IKZF2: variants seen among roughly 807,000 people sequenced by gnomAD.
The protein encoded by IKZF2 is IKAROS family zinc finger 2, also known as zinc finger protein Helios.
Under a neutral mutation model 49.2 loss-of-function variants are expected in IKZF2, and 15 were observed. That is an observed-to-expected ratio of 0.30 (90% CI 0.20 to 0.47). IKZF2 has a LOEUF of 0.47. Among genes scored for constraint, IKZF2 ranks in the 20% least tolerant of loss-of-function variants. The pLI is 1.00. For synonymous variants in IKZF2, 227 were observed against 221.4 expected (o/e 1.03, Z -0.23); for missense variants, 567 against 664.6 (o/e 0.85, Z 1.61).
rs144776767 is a variant in IKZF2 at position 213,102,317 on chromosome 2, G to A, written c.140-45218C>T. On this transcript the variant is annotated intron_variant, in intron 4 of 8. Coordinates refer to ENST00000434687, the MANE Select transcript of IKZF2 (RefSeq NM_001387220.1). Reference sequence around the variant, plus strand: ...CCAACTTTTATCCAGCTGGAGCAAAGGTAATAAGCTCTTGAAATAGAAAAA... The same window carrying A: ...CCAACTTTTATCCAGCTGGAGCAAAAGTAATAAGCTCTTGAAATAGAAAAA... Among the ~76,000 whole-genome samples, 10 of 152,082 alleles carry A rather than the reference G, an allele frequency of 6.6e-5. No individual in the cohort carries two copies. The East Asian group carries it at 1.9e-3, about 29-fold the overall frequency.
chr2:213,017,196 T>C (rs1559166795), intron 7 of IKZF2, among the ~76,000 whole-genome samples: 1 of 152,160 alleles, frequency 6.6e-6, no homozygotes, highest in Non-Finnish European at 1.5e-5. Context: ...TAGTGTGTTC[T>C]TGGCCTTCTT....
Position 213,147,717 on chromosome 2 carries a change from T to C in IKZF2, c.130A>G (p.Met44Val). The change falls in exon 4 of 9, where the codon ATG (methionine) becomes GTG (valine). Residue 44 changes from methionine to valine, a missense_variant. This residue lies in a region of IKZF2 where 156 missense variants were observed against 138.5 expected (regional missense o/e 1.13). Transcript: ENST00000434687. ...TAAAATGAAGACTTACTGCTTGTCATGTGACTTGGTGAGGCATGCTGTCCA... is the reference window on the plus strand; with the variant it reads ...TAAAATGAAGACTTACTGCTTGTCACGTGACTTGGTGAGGCATGCTGTCCA... ...PNGQHASPSHMTSTNSVKLEM... is the reference protein window; with the variant it reads ...PNGQHASPSHVTSTNSVKLEM... 8 of 1,612,736 alleles carry C rather than the reference T, an allele frequency of 5.0e-6. No homozygotes were observed. The highest frequency in any genetic ancestry group is 6.8e-6 in the Non-Finnish European group (8 of 1,178,688).
At chr2:213,086,023 C>G (rs549208715) in intron 4 of IKZF2, among the ~76,000 whole-genome samples, 1 of 152,036 alleles carries the variant, frequency 6.6e-6, no homozygotes, top group Non-Finnish European at 1.5e-5. Flanking sequence ...TAATTGCTAA[C>G]CCAAACTGAG....
At position 213,007,564 on chromosome 2, in the gene IKZF2, C is replaced by G. The variant is rs1695463240; in HGVS notation, c.1377G>C (p.Lys459Asn). ...TCTGTTCTCCTTCTCCATTGAAGAC[C>G]TTGTAGATGTCCTTCAGAGAGCCCT... Reference protein sequence around the residue: ...APKGSLKDIYKVFNGEGEQIR... With the variant: ...APKGSLKDIYNVFNGEGEQIR... The change falls in exon 9 of 9, where the codon AAG (lysine) becomes AAC (asparagine). Residue 459 changes from lysine to asparagine, a missense_variant. By Grantham distance (94) the Lys-to-Asn change is moderately conservative. Coordinates refer to ENST00000434687, the MANE Select transcript of IKZF2 (RefSeq NM_001387220.1). The G allele has an allele frequency of 1.2e-6, 2 of 1,613,674 alleles. No homozygotes were observed. The highest frequency in any genetic ancestry group is 1.7e-6 in the Non-Finnish European group (2 of 1,179,724).
intron 4 of IKZF2, among the ~76,000 whole-genome samples, chr2:213,133,026 T>C (rs908271298): frequency 2.0e-5 from 3 of 152,232 alleles, no homozygotes; most frequent in Non-Finnish European, 4.4e-5. Flanking sequence ...TATGTTATGT[T>C]CCATGCAATG....
In IKZF2 at chr2:213,004,502, A is replaced by G. The variant is rs1012400108; in HGVS notation, c.*2858T>C. 2 of 151,566 alleles carry G rather than the reference A, an allele frequency of 1.3e-5. No homozygotes were observed. Among genetic ancestry groups the G allele is most frequent in the Admixed American group, 6.6e-5 (1 of 15,156 alleles). 9.4% of individuals were successfully genotyped at this position (151,566 alleles called of 1,614,324 possible). A position where few individuals can be genotyped will look rare whatever the true frequency, so the allele number is the denominator to read the frequency against. On this transcript the variant is annotated 3_prime_UTR_variant, in exon 9 of 9. Coordinates refer to ENST00000434687, the MANE Select transcript of IKZF2 (RefSeq NM_001387220.1). ...TGCCAAACTGGAAAATACAGAAGAT[A>G]ACCCATTTTCATGCTCCTCAAATAC...
rs749919189 is a variant in IKZF2, at chr2:213,022,061, T to C, written c.644A>G (p.Lys215Arg). 4.3e-6 allele frequency: 7 copies of C among 1,613,726 alleles called. No individual in the cohort carries two copies. Among genetic ancestry groups the C allele is most frequent in the African/African-American group, 4.0e-5 (3 of 74,898 alleles). Residue 215 changes from lysine (K) to arginine (R), a missense_variant, in exon 7 of 9, where the codon AAG (lysine) becomes AGG (arginine). Lys to Arg is a conservative substitution (Grantham distance 26). This residue lies in a region of IKZF2 where 310 missense variants were observed against 326.9 expected (regional missense o/e 0.95). Coordinates refer to ENST00000434687, the MANE Select transcript of IKZF2 (RefSeq NM_001387220.1). ...CTGGAGATAGTTGTGGCAGCGTTCC[T>C]TGTGCTCCTCCAGTGAACTGCGCTG... Reference protein sequence around the residue: ...YKQRSSLEEHKERCHNYLQNV... With the variant: ...YKQRSSLEEHRERCHNYLQNV...
intron 4 of IKZF2, among the ~76,000 whole-genome samples, chr2:213,129,574 G>A (rs1414575659): frequency 6.6e-6 from 1 of 151,926 alleles, no homozygotes; most frequent in African/African-American, 2.4e-5. Flanking sequence ...ACAGCCTTTA[G>A]GACCTTACAG....
At chr2:213,125,112 T>C (rs1299729556) in intron 4 of IKZF2, among the ~76,000 whole-genome samples, 3 of 152,196 alleles carry the variant, frequency 2.0e-5, no homozygotes, top group Non-Finnish European at 2.9e-5. Flanking sequence ...GGGTTTCTTA[T>C]GTGATTTACC....
At chr2:213,009,247 G>A (rs1040874122) in intron 8 of IKZF2, among the ~76,000 whole-genome samples, 5 of 152,032 alleles carry the variant, frequency 3.3e-5, no homozygotes, top group African/African-American at 1.2e-4. Flanking sequence ...CATAATGTCT[G>A]ACTGTTAACT....
chr2:213,118,736 AG>A (rs1217465765), intron 4 of IKZF2, among the ~76,000 whole-genome samples: 1 of 152,176 alleles, frequency 6.6e-6, no homozygotes, highest in Non-Finnish European at 1.5e-5. Context: ...TTGTGAAAAA[AG>A]AGTCTCTACT....
intron 4 of IKZF2, among the ~76,000 whole-genome samples, chr2:213,062,668 G>A (rs964985619): frequency 2.0e-5 from 3 of 151,986 alleles, no homozygotes; most frequent in Middle Eastern, 6.8e-3. Context: ...ATTCAAGTGG[G>A]CACTTAAGGG....
At chr2:213,031,557 G>C (rs907678440) in intron 6 of IKZF2, among the ~76,000 whole-genome samples, 1 of 152,176 alleles carries the variant, frequency 6.6e-6, no homozygotes, top group Non-Finnish European at 1.5e-5. Flanking sequence ...AAGAGTCTAA[G>C]TTGTTGGCAT....
At chr2:213,102,403 A>G (rs2125709781) in intron 4 of IKZF2, among the ~76,000 whole-genome samples, 1 of 152,310 alleles carries the variant, frequency 6.6e-6, no homozygotes, top group Non-Finnish European at 1.5e-5. Flanking sequence ...TAAAATGTAT[A>G]GTACCATACA....
chr2:213,105,882 A>G (rs1021691112), intron 4 of IKZF2, among the ~76,000 whole-genome samples: 2 of 152,220 alleles, frequency 1.3e-5, no homozygotes, highest in Non-Finnish European at 2.9e-5. Context: ...ATTTCGCTGT[A>G]ATGTTTTCAA....
intron 4 of IKZF2, among the ~76,000 whole-genome samples, chr2:213,092,011 A>G (rs1705398924): frequency 6.6e-6 from 1 of 151,752 alleles, no homozygotes; most frequent in African/African-American, 2.4e-5. Flanking sequence ...TATTTATTAT[A>G]CTAGTATTTG....
chr2:213,012,659 T>C (rs1696097568), intron 8 of IKZF2, among the ~76,000 whole-genome samples: 1 of 151,936 alleles, frequency 6.6e-6, no homozygotes, highest in African/African-American at 2.4e-5. Context: ...TCTCAATAAA[T>C]CCCTCCAGCT....
At chr2:213,012,391 GAAT>G (rs1696061279) in intron 8 of IKZF2, among the ~76,000 whole-genome samples, 1 of 151,688 alleles carries the variant, frequency 6.6e-6, no homozygotes, top group South Asian at 2.1e-4. Flanking sequence ...AAGACAGAAA[GAAT>G]AATAATATAT....
intron 4 of IKZF2, among the ~76,000 whole-genome samples, chr2:213,096,118 A>T (rs1460991133): frequency 1.5e-4 from 23 of 151,992 alleles, no homozygotes; most frequent in Non-Finnish European, 1.5e-5. Flanking sequence ...GCACCCATTC[A>T]CTAAGGATAT....
Sources: gnomAD v4.1 joint callset for allele counts (sites outside exome capture counted in the v4.1 genomes callset) on GRCh38, gnomAD v4.1.1 for gene constraint, gnomAD v4.1.1 regional missense constraint, MANE v1.5 for transcripts, NCBI Gene and HGNC (gene_info 2026-07-23, HGNC 2026-07-21) for gene names.